Variants in NLGN1 observed in about 807,000 individuals in gnomAD.
The protein encoded by NLGN1 is neuroligin-1.
A neutral mutation model predicts 65.5 loss-of-function variants in NLGN1; 12 were observed. That is an observed-to-expected ratio of 0.18 (90% CI 0.12 to 0.30). NLGN1 has a LOEUF of 0.30. Ranked by LOEUF, NLGN1 falls within the 10% of genes least tolerant of loss-of-function variation. The probability of loss-of-function intolerance (pLI) is 1.00; values close to 1 mark genes in which losing one functional copy is unlikely to be tolerated. For synonymous variants in NLGN1, 350 were observed against 359.5 expected (o/e 0.97, Z 0.30); for missense variants, 750 against 1,007.1 (o/e 0.74, Z 3.46).
At chr3:173,547,504 AT>A (rs1192906471) in intron 2 of NLGN1, among the ~76,000 whole-genome samples, 1 of 152,102 alleles carries the variant, frequency 6.6e-6, no homozygotes, top group African/African-American at 2.4e-5. Flanking sequence ...TTGATCCATG[AT>A]TGCCCTAATT....
At chr3:173,421,074 T>C (rs1410833333) in intron 1 of NLGN1, among the ~76,000 whole-genome samples, 1 of 152,182 alleles carries the variant, frequency 6.6e-6, no homozygotes, top group Non-Finnish European at 1.5e-5. Flanking sequence ...TTCATCAAGT[T>C]AAAAATAATA....
At chr3:173,787,328 G>A (rs1310974359) in intron 3 of NLGN1, among the ~76,000 whole-genome samples, 2 of 152,080 alleles carry the variant, frequency 1.3e-5, no homozygotes, top group African/African-American at 4.8e-5. Flanking sequence ...GTGATATTCA[G>A]GACATGGCTG....
At chr3:173,534,418 T>C (rs532913318) in intron 2 of NLGN1, among the ~76,000 whole-genome samples, 4 of 152,182 alleles carry the variant, frequency 2.6e-5, no homozygotes, top group Non-Finnish European at 4.4e-5. Flanking sequence ...ACTGGGGGCT[T>C]TTCTTCAAAC....
intron 3 of NLGN1, among the ~76,000 whole-genome samples, chr3:173,771,831 T>G (rs1352561709): frequency 6.6e-6 from 1 of 151,794 alleles, no homozygotes; most frequent in Non-Finnish European, 1.5e-5. Flanking sequence ...GCAGAAAATG[T>G]AGAAACAAAT....
At chr3:173,861,840 C>A (rs1449979031) in intron 4 of NLGN1, among the ~76,000 whole-genome samples, 1 of 150,924 alleles carries the variant, frequency 6.6e-6, no homozygotes, top group African/African-American at 2.4e-5. Flanking sequence ...CTCACTGCAG[C>A]CTCCACCTCC....
At chr3:173,871,559 A>C (rs912411874) in intron 4 of NLGN1, among the ~76,000 whole-genome samples, 10 of 152,222 alleles carry the variant, frequency 6.6e-5, no homozygotes, top group African/African-American at 2.4e-4. Flanking sequence ...AAGCTCAATT[A>C]AAAATCAAGT....
chr3:174,064,571 A>G (rs1338022555), intron 4 of NLGN1, among the ~76,000 whole-genome samples: 1 of 149,872 alleles, frequency 6.7e-6, no homozygotes, highest in Non-Finnish European at 1.5e-5. Flanking sequence ...ATTAATATTA[A>G]TTATAATATT....
At chr3:173,467,786 C>T (rs684416) in intron 2 of NLGN1, among the ~76,000 whole-genome samples, 15,421 of 152,120 alleles carry the variant, frequency 0.1, 865 homozygotes, top group Admixed American at 0.14. Context: ...CAGTGTGAGT[C>T]AATGAGTCCA....
chr3:173,733,643 A>G (rs932978632), intron 3 of NLGN1, among the ~76,000 whole-genome samples: 3 of 152,100 alleles, frequency 2.0e-5, no homozygotes, highest in Non-Finnish European at 2.9e-5. Flanking sequence ...ATCTTGGTGC[A>G]TGTTTATGAC....
At chr3:173,444,010 A>G (rs975556150) in intron 2 of NLGN1, among the ~76,000 whole-genome samples, 1 of 152,154 alleles carries the variant, frequency 6.6e-6, no homozygotes, top group Non-Finnish European at 1.5e-5. Flanking sequence ...GCTCCAGTCT[A>G]TTTTTTGTGA....
intron 4 of NLGN1, among the ~76,000 whole-genome samples, chr3:174,060,624 C>G (rs1018654442): frequency 6.6e-6 from 1 of 152,128 alleles, no homozygotes; most frequent in African/African-American, 2.4e-5. Context: ...TACTCCTACA[C>G]CTTCAAGATT....
At chr3:173,501,974 A>G (rs571190232) in intron 2 of NLGN1, among the ~76,000 whole-genome samples, 2 of 152,240 alleles carry the variant, frequency 1.3e-5, no homozygotes, top group African/African-American at 4.8e-5. Context: ...TCACAGTTTT[A>G]AAGTACATGA....
intron 2 of NLGN1, among the ~76,000 whole-genome samples, chr3:173,505,809 A>G (rs1416111947): frequency 6.6e-6 from 1 of 152,094 alleles, no homozygotes; most frequent in African/African-American, 2.4e-5. Flanking sequence ...TTAAATAACT[A>G]CTTGTTTGAA....
intron 3 of NLGN1, among the ~76,000 whole-genome samples, chr3:173,729,025 A>G (rs1350657870): frequency 6.6e-6 from 1 of 152,132 alleles, no homozygotes; most frequent in East Asian, 1.9e-4. Context: ...TGAATACTTT[A>G]TTCAGATTAC....
At chr3:173,428,759 A>AT (rs1315825795) in intron 1 of NLGN1, among the ~76,000 whole-genome samples, 6 of 151,516 alleles carry the variant, frequency 4.0e-5, no homozygotes, top group Non-Finnish European at 8.8e-5. Flanking sequence ...AGATGTTTTC[A>AT]TTTTGCACAT....
At chr3:174,010,685 CTTGAA>C (rs1428026997) in intron 4 of NLGN1, among the ~76,000 whole-genome samples, 6 of 151,998 alleles carry the variant, frequency 3.9e-5, no homozygotes, top group African/African-American at 1.4e-4. Context: ...GAATGAAAAA[CTTGAA>C]TTGGTGAATT....
At chr3:174,071,674 C>A (rs1739903547) in intron 4 of NLGN1, among the ~76,000 whole-genome samples, 1 of 150,554 alleles carries the variant, frequency 6.6e-6, no homozygotes, top group Non-Finnish European at 1.5e-5. Context: ...CCACTGCACT[C>A]CAGCCTGGAT....
intron 4 of NLGN1, among the ~76,000 whole-genome samples, chr3:174,093,146 C>A (rs750100893): frequency 6.6e-6 from 1 of 152,210 alleles, no homozygotes; most frequent in Non-Finnish European, 1.5e-5. Flanking sequence ...GGAATACAAT[C>A]TTCCATTTAT....
intron 4 of NLGN1, among the ~76,000 whole-genome samples, chr3:174,090,724 TAAG>T (rs1744345713): frequency 6.8e-6 from 1 of 147,230 alleles, no homozygotes; most frequent in African/African-American, 2.6e-5. Context: ...AGGTGAAATT[TAAG>T]AAAACAATGA....
Sources: allele counts gnomAD v4.1 joint callset (sites outside exome capture counted in the v4.1 genomes callset), GRCh38; gene constraint gnomAD v4.1.1; transcripts MANE v1.5; gene names NCBI Gene and HGNC (gene_info 2026-07-23, HGNC 2026-07-21).